TOGARAM2: variants seen among roughly 807,000 people sequenced by gnomAD.
TOGARAM2 encodes TOG array regulator of axonemal microtubules 2, also known as TOG array regulator of axonemal microtubules protein 2.
Under a neutral mutation model 93.3 loss-of-function variants are expected in TOGARAM2, and 85 were observed. That is an observed-to-expected ratio of 0.91 (90% CI 0.76 to 1.09). The LOEUF is 1.09. Among genes scored for constraint, TOGARAM2 ranks in the 50% least tolerant of loss-of-function variants. The pLI is 0.00. For missense variants in TOGARAM2, 1,277 were observed against 1,334.5 expected (o/e 0.96, Z 0.67); for synonymous variants, 593 against 552.8 (o/e 1.07, Z -1.02).
At chr2:28,989,976 C>G (rs560672269) in intron 1 of TOGARAM2, among the ~76,000 whole-genome samples, 7 of 152,168 alleles carry the variant, frequency 4.6e-5, no homozygotes, top group African/African-American at 7.2e-5. Flanking sequence ...AGTGGCAGGC[C>G]GAACTCTGGA....
At chr2:28,989,247 T>C (rs1367554149) in intron 1 of TOGARAM2, among the ~76,000 whole-genome samples, 4 of 152,100 alleles carry the variant, frequency 2.6e-5, no homozygotes, top group African/African-American at 9.7e-5. Flanking sequence ...GATGGGGTTT[T>C]GCCATGTTGG....
chr2:28,973,360 T>TTCC (rs1671975083), intron 1 of TOGARAM2, among the ~76,000 whole-genome samples: 1 of 147,602 alleles, frequency 6.8e-6, no homozygotes, highest in African/African-American at 2.6e-5. Flanking sequence ...CCCTTCCTTC[T>TTCC]TTCCTCCTTC....
At chr2:29,030,790 C>G (rs947591549) in intron 14 of TOGARAM2, among the ~76,000 whole-genome samples, 2 of 152,182 alleles carry the variant, frequency 1.3e-5, no homozygotes, top group African/African-American at 4.8e-5. Flanking sequence ...CAGCCACCAG[C>G]AAAGTTGGAG....
intron 1 of TOGARAM2, among the ~76,000 whole-genome samples, chr2:28,968,137 G>A (rs768197534): frequency 5.3e-5 from 8 of 152,112 alleles, no homozygotes; most frequent in Non-Finnish European, 8.8e-5. Flanking sequence ...GGTCTTTAAT[G>A]TGTCTGGGGA....
intron 3 of TOGARAM2, 29 bp from the exon 4 acceptor site, chr2:28,999,152 C>T: frequency 6.3e-7 from 1 of 1,579,518 alleles, no homozygotes; most frequent in Non-Finnish European, 8.6e-7. Context: ...TACTGCGTGC[C>T]AAGCCATTCA....
chr2:29,050,129 A>T (rs1666980272), intron 19 of TOGARAM2: 1 of 152,206 alleles, frequency 6.6e-6, no homozygotes, highest in Non-Finnish European at 1.5e-5. Context: ...AGATGGGCAG[A>T]TTGCTTAAGA....
At chr2:29,006,105 TGTG>T (rs1305419294) in intron 6 of TOGARAM2, among the ~76,000 whole-genome samples, 1 of 56,004 alleles carries the variant, frequency 1.8e-5, no homozygotes, top group Non-Finnish European at 5.1e-5. Flanking sequence ...GGTGCATGTG[TGTG>T]GAGTGCATAT....
In TOGARAM2 at chr2:29,002,757, T is replaced by G; in HGVS notation, c.639+10T>G. 6.2e-7 allele frequency: 1 copy of G among 1,611,040 alleles called. No homozygotes were observed. The highest frequency in any genetic ancestry group is 8.5e-7 in the Non-Finnish European group (1 of 1,178,534). On this transcript the variant is annotated intron_variant, in intron 5 of 19. Transcript: ENST00000379558. ...ACCCGGTGCTCAGGAGGTAAGGTGGTTCGACTGCTGTGAGTCTGGTCCTCA... is the reference window on the plus strand; with the variant it reads ...ACCCGGTGCTCAGGAGGTAAGGTGGGTCGACTGCTGTGAGTCTGGTCCTCA...
Position 29,029,024 on chromosome 2 carries a change from A to G in TOGARAM2, c.2012+2013A>G, listed in dbSNP as rs1572749508. On this transcript the variant is annotated intron_variant, in intron 14 of 19. Coordinates refer to ENST00000379558, the MANE Select transcript of TOGARAM2 (RefSeq NM_199280.4). Reference sequence around the variant, plus strand: ...ACTGCTGGTGGGAATGCAAACTAGCACAGCCACTGTGGAAAACAGTGTGGA... The same window carrying G: ...ACTGCTGGTGGGAATGCAAACTAGCGCAGCCACTGTGGAAAACAGTGTGGA... Among the ~76,000 whole-genome samples, 4 of 152,244 alleles carry G rather than the reference A, an allele frequency of 2.6e-5. No individual in the cohort carries two copies. The South Asian group carries it at 8.3e-4, about 31-fold the overall frequency.
chr2:29,014,628 A>G, intron 8 of TOGARAM2, 67 bp downstream of exon 8: 1 of 1,516,662 alleles, frequency 6.6e-7, no homozygotes, highest in Admixed American at 2.1e-5. Flanking sequence ...GAAGGCAAGC[A>G]AGTGTCTGAA....
In TOGARAM2 at chr2:29,023,041, C is replaced by T. The variant is rs769072493; in HGVS notation, c.1512-45C>T. On this transcript the variant is annotated intron_variant, in intron 11 of 19. Transcript: ENST00000379558. The stretch of plus-strand genomic sequence containing the variant: ...CCTAGTCTGCAGAGGGGTGGGGCTC[C>T]TCCCTCTCCACCCTTCTGCAACAGG... 8 of 1,517,996 alleles carry T rather than the reference C, an allele frequency of 5.3e-6. No homozygotes were observed. In the South Asian group the frequency reaches 8.4e-5, roughly 16 times the overall value. The allele number at this position is 1,517,996 out of a possible 1,614,324, so 94.0% of individuals were successfully genotyped here.
intron 1 of TOGARAM2, among the ~76,000 whole-genome samples, chr2:28,971,828 T>A (rs940258554): frequency 2.8e-4 from 42 of 152,260 alleles, no homozygotes; most frequent in African/African-American, 9.6e-4. Context: ...GAATGATAAA[T>A]TTGTTATTTG....
At chr2:29,006,293 ATGTG>A (rs1481680538) in intron 6 of TOGARAM2, among the ~76,000 whole-genome samples, 5 of 124,244 alleles carry the variant, frequency 4.0e-5, no homozygotes, top group Admixed American at 1.6e-4. Flanking sequence ...GTATGTGTGC[ATGTG>A]TGTGTGTGAG....
At chr2:29,007,911 A>C (rs530554192) in intron 6 of TOGARAM2, among the ~76,000 whole-genome samples, 18 of 152,006 alleles carry the variant, frequency 1.2e-4, no homozygotes, top group African/African-American at 4.3e-4. Context: ...CCATCTCTGC[A>C]ACCCCAACAG....
In TOGARAM2 at chr2:29,024,150, G is replaced by A; in HGVS notation, c.1629G>A (p.Leu543=). 1.3e-6 allele frequency: 2 copies of A among 1,576,762 alleles called. No individual in the cohort carries two copies. Among genetic ancestry groups the A allele is most frequent in the Non-Finnish European group, 1.7e-6 (2 of 1,160,958 alleles). ...CLVVTGEVTN[L]RSKVSHLAIS... ...CTCCTCTCTCCAAGGTCACCAACCT[G>A]CGGTCCAAGGTGTCTCACCTGGCCA... The change falls in exon 13 of 20, where the codon CTG becomes CTA. Residue 543 remains leucine (L), a synonymous_variant. Coordinates refer to ENST00000379558, the MANE Select transcript of TOGARAM2 (RefSeq NM_199280.4).
At chr2:29,049,099 TCG>T (rs1491153057) in intron 19 of TOGARAM2, 1 of 151,380 alleles carries the variant, frequency 6.6e-6, no homozygotes, top group Non-Finnish European at 1.5e-5. Context: ...ACTCCTGACC[TCG>T]TGATCCACCC....
intron 13 of TOGARAM2, 143 bp from the exon 14 acceptor site, chr2:29,026,710 C>G: frequency 1.2e-6 from 1 of 867,446 alleles, no homozygotes; most frequent in Non-Finnish European, 1.7e-6. Context: ...AAAGATTCCC[C>G]TCAGCTCACA....
At chr2:29,045,645 A>G in intron 19 of TOGARAM2, 1 of 526,418 alleles carries the variant, frequency 1.9e-6, no homozygotes, top group Non-Finnish European at 3.4e-6. Flanking sequence ...TTTTTAAAAA[A>G]CTGTTACAGG....
intron 1 of TOGARAM2, among the ~76,000 whole-genome samples, chr2:28,983,224 T>TGTGTGTGTGTATATA (rs1672312454): frequency 1.3e-5 from 1 of 74,262 alleles, no homozygotes; most frequent in Non-Finnish European, 3.0e-5. Context: ...TTTTTTTTTT[T>TGTGTGTGTGTATATA]TTGTAGAGAT....
Sources: gnomAD v4.1 joint callset for allele counts (sites outside exome capture counted in the v4.1 genomes callset) on GRCh38, gnomAD v4.1.1 for gene constraint, MANE v1.5 for transcripts, NCBI Gene and HGNC (gene_info 2026-07-23, HGNC 2026-07-21) for gene names.